Variants in BTD observed in about 807,000 individuals in gnomAD.
BTD encodes the protein biotinidase, also known as biocytinase.
Under a neutral mutation model 17.7 loss-of-function variants are expected in BTD, and 13 were observed. That is an observed-to-expected ratio of 0.74 (90% CI 0.48 to 1.17). BTD has a LOEUF of 1.17. Ranked by LOEUF, BTD falls within the 50% of genes most tolerant of loss-of-function variation. The pLI is 0.00. For missense variants in BTD, 674 were observed against 650.4 expected (o/e 1.04, Z -0.39); for synonymous variants, 240 against 245.2 (o/e 0.98, Z 0.20).
chr3:15,670,582 A>G, intron 3 of BTD: 1 of 1,597,636 alleles, frequency 6.3e-7, no homozygotes, highest in Non-Finnish European at 8.5e-7. Flanking sequence ...AAATTTAAAA[A>G]TTAAGCATCC....
In BTD at chr3:15,645,035, A is replaced by G; in HGVS notation, c.1119A>G (p.Thr373=). The G allele has an allele frequency of 6.2e-7, 1 of 1,614,082 alleles. No individual in the cohort carries two copies. The highest frequency in any genetic ancestry group is 8.5e-7 in the Non-Finnish European group (1 of 1,180,012). The change falls in exon 4 of 4, where the codon ACA becomes ACG. Residue 373 remains threonine (T), a synonymous_variant. Transcript: ENST00000643237. ...ATKWNVNAPP[T]FHSEMMYDNF... is the part of the protein sequence containing the mutation. The stretch of plus-strand genomic sequence containing the variant: ...AGTGGAACGTGAATGCTCCTCCCAC[A>G]TTTCACTCTGAGATGATGTATGACA...
intron 3 of BTD, chr3:15,667,453 C>A (rs2066039234): frequency 6.6e-6 from 1 of 152,192 alleles, no homozygotes; most frequent in African/African-American, 2.4e-5. Flanking sequence ...TTTCAGATGT[C>A]ATCTTTTATG....
chr3:15,663,654 C>T (rs1040997224), intron 3 of BTD, among the ~76,000 whole-genome samples: 3 of 152,060 alleles, frequency 2.0e-5, no homozygotes, highest in African/African-American at 7.2e-5. Flanking sequence ...ATGGGCTCTG[C>T]TCTGTATTGA....
chr3:15,717,190 C>T (rs1346551392), downstream of BTD, among the ~76,000 whole-genome samples: 1 of 152,060 alleles, frequency 6.6e-6, no homozygotes, highest in Non-Finnish European at 1.5e-5. Flanking sequence ...ATTGCTCAGA[C>T]TAGACTTGAA....
intron 3 of BTD, among the ~76,000 whole-genome samples, chr3:15,699,006 G>C (rs1477824325): frequency 1.3e-5 from 2 of 152,190 alleles, no homozygotes; most frequent in Non-Finnish European, 1.5e-5. Flanking sequence ...CAAGGCTACA[G>C]TAACCAAAAC....
At chr3:15,688,587 T>C (rs2068421754) in intron 3 of BTD, among the ~76,000 whole-genome samples, 1 of 152,226 alleles carries the variant, frequency 6.6e-6, no homozygotes, top group African/African-American at 2.4e-5. Flanking sequence ...TCTGATAGCT[T>C]TGAAGGGCGG....
chr3:15,652,183 C>T lies in BTD; in HGVS notation c.*6695C>T, dbSNP rs781150157. On this transcript the variant is annotated 3_prime_UTR_variant, in exon 4 of 4. Transcript: ENST00000643237. ...CTCTATTGAAAATACAAAAATTAGC[C>T]GGCATGGTGGCACACGCCTGTAGTC... 4.6e-5 allele frequency among the ~76,000 whole-genome samples: 7 copies of T among 152,202 alleles called. No homozygotes were observed. Among genetic ancestry groups the T allele is most frequent in the East Asian group, 1.9e-4 (1 of 5,168 alleles).
downstream of BTD, chr3:15,714,529 T>TAAAAA (rs1272231264): frequency 6.2e-6 from 5 of 807,300 alleles, no homozygotes; most frequent in Non-Finnish European, 6.8e-6. Flanking sequence ...TTACTACATT[T>TAAAAA]AAGAAAAAAA....
At chr3:15,663,149 C>T (rs759111589) in intron 3 of BTD, among the ~76,000 whole-genome samples, 3 of 152,108 alleles carry the variant, frequency 2.0e-5, no homozygotes, top group African/African-American at 4.8e-5. Flanking sequence ...AGGCATGCGC[C>T]GCCATGCCCG....
rs958169592 is a variant in BTD, at chr3:15,649,020, C to G, written c.*3532C>G. Among the ~76,000 whole-genome samples, 1 of 152,204 alleles carries G rather than the reference C, an allele frequency of 6.6e-6. No individual in the cohort carries two copies. The highest frequency in any genetic ancestry group is 1.5e-5 in the Non-Finnish European group (1 of 68,042). On this transcript the variant is annotated 3_prime_UTR_variant, in exon 4 of 4. Transcript: ENST00000643237. ...CAGAAGAAGCATGGCTCTGCCAACA[C>G]CTTGATTTTGGATTTCCAGCTTCCA...
At chr3:15,709,811 A>T (rs2071976276) in intron 3 of BTD, 1 of 885,382 alleles carries the variant, frequency 1.1e-6, no homozygotes, top group Admixed American at 3.0e-5. Context: ...TTAAAGAAGC[A>T]TGAAAGCATG....
chr3:15,699,783 A>G (rs1404437740), intron 3 of BTD, among the ~76,000 whole-genome samples: 1 of 152,170 alleles, frequency 6.6e-6, no homozygotes, highest in Non-Finnish European at 1.5e-5. Flanking sequence ...TTACACTGTC[A>G]GTGGGAGTGT....
At chr3:15,674,196 A>AAAAAAAAAAGAAG (rs1470515364) in intron 3 of BTD, among the ~76,000 whole-genome samples, 4 of 130,078 alleles carry the variant, frequency 3.1e-5, no homozygotes, top group African/African-American at 1.3e-4. Context: ...AAAAAAAAAA[A>AAAAAAAAAAGAAG]AAGAAGAAGA....
At chr3:15,700,458 C>CTT (rs2070398308) in intron 3 of BTD, among the ~76,000 whole-genome samples, 1 of 146,792 alleles carries the variant, frequency 6.8e-6, no homozygotes, top group Non-Finnish European at 1.5e-5. Context: ...AGTATAATGA[C>CTT]AAAAAAAAAA....
chr3:15,714,241 A>C (rs1575334133), downstream of BTD, among the ~76,000 whole-genome samples: 1 of 152,208 alleles, frequency 6.6e-6, no homozygotes, highest in Non-Finnish European at 1.5e-5. Context: ...AAAATGATAC[A>C]TGTATAATGT....
At chr3:15,692,107 C>A (rs1331810489) in intron 3 of BTD, among the ~76,000 whole-genome samples, 1 of 149,180 alleles carries the variant, frequency 6.7e-6, no homozygotes, top group Non-Finnish European at 1.5e-5. Context: ...ACCACTGCAA[C>A]CCAGCCTGGG....
intron 3 of BTD, among the ~76,000 whole-genome samples, chr3:15,702,101 T>A (rs2070714267): frequency 6.6e-6 from 1 of 152,238 alleles, no homozygotes; most frequent in Non-Finnish European, 1.5e-5. Flanking sequence ...TTACTCTGGG[T>A]AAGCATTATC....
At chr3:15,700,591 T>C (rs1476390933) in intron 3 of BTD, among the ~76,000 whole-genome samples, 6 of 151,926 alleles carry the variant, frequency 3.9e-5, no homozygotes, top group African/African-American at 1.2e-4. Flanking sequence ...CTGGCCAACA[T>C]GGTGAAATCT....
chr3:15,662,334 A>G (rs577536334), intron 3 of BTD, among the ~76,000 whole-genome samples: 3 of 152,290 alleles, frequency 2.0e-5, no homozygotes, highest in East Asian at 3.9e-4. Flanking sequence ...ACATTTTTAC[A>G]AGTTTTATAC....
Sources: allele counts gnomAD v4.1 joint callset (sites outside exome capture counted in the v4.1 genomes callset), GRCh38; gene constraint gnomAD v4.1.1; transcripts MANE v1.5; gene names NCBI Gene and HGNC (gene_info 2026-07-23, HGNC 2026-07-21).